COL15A1: variants seen among roughly 807,000 people sequenced by gnomAD.
The protein encoded by COL15A1 is collagen type XV alpha 1 chain, also known as collagen alpha-1(XV) chain.
COL15A1 carries 111 observed loss-of-function variants against 165.9 expected under a neutral mutation model. The observed-to-expected ratio is 0.67, with a 90% CI of 0.57 to 0.78. COL15A1 has a LOEUF of 0.78. Ranked by LOEUF, COL15A1 falls within the 30% of genes least tolerant of loss-of-function variation. The pLI is 0.00. For synonymous variants in COL15A1, 659 were observed against 674.8 expected, an observed-to-expected ratio of 0.98 and a Z score of 0.36; for missense variants, 1,745 against 1,789.7, an observed-to-expected ratio of 0.98 and a Z score of 0.45.
intron 5 of COL15A1, 25 bp from the exon 6 acceptor site, chr9:98,996,909 T>G: frequency 6.2e-7 from 1 of 1,609,506 alleles, no homozygotes; most frequent in Non-Finnish European, 8.5e-7. Flanking sequence ...TAAATCATTT[T>G]GCATCTCATT....
chr9:98,956,671 T>A (rs544852545), intron 2 of COL15A1, among the ~76,000 whole-genome samples: 1 of 152,284 alleles, frequency 6.6e-6, no homozygotes, highest in South Asian at 2.1e-4. Context: ...GAATCCATCC[T>A]CCACACTGCA....
intron 2 of COL15A1, among the ~76,000 whole-genome samples, chr9:98,967,953 G>C (rs532595726): frequency 5.9e-5 from 9 of 152,256 alleles, no homozygotes; most frequent in African/African-American, 2.2e-4. Flanking sequence ...AGTAGGTCTC[G>C]AGAATCTGCA....
intron 40 of COL15A1, among the ~76,000 whole-genome samples, chr9:99,067,709 T>A (rs1237944512): frequency 6.6e-6 from 1 of 152,206 alleles, no homozygotes; most frequent in Non-Finnish European, 1.5e-5. Flanking sequence ...ATTTAAAACC[T>A]TGAGGCTAGC....
At position 99,004,937 on chromosome 9, in the gene COL15A1, G is replaced by T; in HGVS notation, c.1240G>T (p.Gly414Trp). The T allele has an allele frequency of 6.2e-7, 1 of 1,614,146 alleles. No individual in the cohort carries two copies. Among genetic ancestry groups the T allele is most frequent in the South Asian group, 1.1e-5 (1 of 91,088 alleles). Residue 414 changes from glycine to tryptophan, a missense_variant, in exon 9 of 42, where the codon GGG (glycine) becomes TGG (tryptophan). Coordinates refer to ENST00000375001, the MANE Select transcript of COL15A1 (RefSeq NM_001855.5). ...AGAGCGTTTAGCAGCAACAGCAGCAGGGGAGGCCGAGGCACTCGCCAGCAT... is the reference window on the plus strand; with the variant it reads ...AGAGCGTTTAGCAGCAACAGCAGCATGGGAGGCCGAGGCACTCGCCAGCAT... ...NEERLAATAA[G>W]EAEALASMPG...
chr9:98,989,492 G>T (rs1196898337), intron 5 of COL15A1, among the ~76,000 whole-genome samples: 2 of 152,228 alleles, frequency 1.3e-5, no homozygotes, highest in Non-Finnish European at 2.9e-5. Context: ...CCATCAGAGG[G>T]CTGTCAAGGG....
rs541497246 is a variant in COL15A1, at chr9:98,957,565, A to G, written c.100+13315A>G. ...AAGTGCTGTCCTGGCCTCATCTCCC[A>G]GAATATCCCTTCCCACACCCTAATC... On this transcript the variant is annotated intron_variant, in intron 2 of 41. Coordinates refer to ENST00000375001, the MANE Select transcript of COL15A1 (RefSeq NM_001855.5). Among the ~76,000 whole-genome samples the G allele has an allele frequency of 2.0e-5, 3 of 152,320 alleles. No individual in the cohort carries two copies. The South Asian group carries it at 6.2e-4, about 32-fold the overall frequency.
At chr9:99,024,276 T>TTTTC (rs1839080158) in intron 14 of COL15A1, among the ~76,000 whole-genome samples, 1 of 141,364 alleles carries the variant, frequency 7.1e-6, no homozygotes. Flanking sequence ...CAGTTTTTTT[T>TTTTC]GTTTTTTTGT....
At chr9:98,967,679 T>C (rs1453442186) in intron 2 of COL15A1, among the ~76,000 whole-genome samples, 1 of 152,180 alleles carries the variant, frequency 6.6e-6, no homozygotes, top group Non-Finnish European at 1.5e-5. Context: ...GGTTGGTCCA[T>C]GGTGGAAGCA....
chr9:99,028,637 G>T (rs1194852166), intron 16 of COL15A1, among the ~76,000 whole-genome samples: 2 of 152,064 alleles, frequency 1.3e-5, no homozygotes, highest in Non-Finnish European at 2.9e-5. Context: ...GTGACAGGGT[G>T]AGACTCCGTC....
chr9:99,023,280 G>T, intron 13 of COL15A1, 77 bp from the exon 14 acceptor site: 2 of 1,492,602 alleles, frequency 1.3e-6, no homozygotes, highest in Non-Finnish European at 9.0e-7. Flanking sequence ...TCCCCATTTT[G>T]GAGAAAACTC....
chr9:99,013,817 G>T (rs1265064436), intron 9 of COL15A1, among the ~76,000 whole-genome samples: 1 of 152,144 alleles, frequency 6.6e-6, no homozygotes, highest in African/African-American at 2.4e-5. Context: ...CCTTTGTTCT[G>T]AATACTTTAA....
At chr9:99,009,335 A>G (rs191764796) in intron 9 of COL15A1, among the ~76,000 whole-genome samples, 308 of 152,400 alleles carry the variant, frequency 2.0e-3, no homozygotes, top group Non-Finnish European at 3.5e-3. Context: ...ATGCTAAAAC[A>G]TATCAGAATC....
At chr9:98,988,258 C>T (rs929383614) in intron 4 of COL15A1, among the ~76,000 whole-genome samples, 1 of 152,180 alleles carries the variant, frequency 6.6e-6, no homozygotes, top group African/African-American at 2.4e-5. Flanking sequence ...TGTGAGAATG[C>T]CTGTGTTCCA....
chr9:99,037,300 T>C (rs893529700), intron 21 of COL15A1, among the ~76,000 whole-genome samples: 1 of 152,248 alleles, frequency 6.6e-6, no homozygotes, highest in Non-Finnish European at 1.5e-5. Flanking sequence ...AGTGCTGGTT[T>C]AATCAGTGTT....
intron 2 of COL15A1, among the ~76,000 whole-genome samples, chr9:98,955,286 C>A (rs552514455): frequency 2.0e-5 from 3 of 152,312 alleles, no homozygotes; most frequent in African/African-American, 7.2e-5. Flanking sequence ...TAAATTAGGG[C>A]AATTCCTACT....
At chr9:99,012,823 T>C (rs551302026) in intron 9 of COL15A1, among the ~76,000 whole-genome samples, 1 of 148,036 alleles carries the variant, frequency 6.8e-6, no homozygotes, top group African/African-American at 2.5e-5. Context: ...GTGATTCTCC[T>C]GCCTCAGCGT....
Position 99,016,031 on chromosome 9 carries a change from C to T in COL15A1, c.1559C>T (p.Thr520Ile), listed in dbSNP as rs762855306. The change falls in exon 11 of 42, where the codon ACA becomes ATA. Residue 520 changes from threonine to isoleucine, a missense_variant. Transcript: ENST00000375001. ...AAATTEEPLITAGGEESGSPP... is the reference protein window; with the variant it reads ...AAATTEEPLIIAGGEESGSPP... Reference sequence around the variant, plus strand: ...GCCACAACAGAGGAGCCCCTCATCACAGCTGGGGGTGAAGAGTCCGGCAGC... The same window carrying T: ...GCCACAACAGAGGAGCCCCTCATCATAGCTGGGGGTGAAGAGTCCGGCAGC... 5 of 1,614,160 alleles carry T rather than the reference C, an allele frequency of 3.1e-6. No homozygotes were observed. The Admixed American group carries it at 6.7e-5, about 22-fold the overall frequency.
intron 2 of COL15A1, among the ~76,000 whole-genome samples, chr9:98,963,053 TC>T: frequency 6.6e-6 from 1 of 152,354 alleles, no homozygotes; most frequent in Admixed American, 6.5e-5. Context: ...AGCATGGAGA[TC>T]TTGGGTGGAA....
chr9:99,036,368 C>T lies in COL15A1; in HGVS notation c.2381C>T (p.Pro794Leu). The change falls in exon 21 of 42, where the codon CCA becomes CTA. Residue 794 changes from proline to leucine, a missense_variant. Coordinates refer to ENST00000375001, the MANE Select transcript of COL15A1 (RefSeq NM_001855.5). The part of the protein sequence containing the change: ...SIVGPPGPRG[P>L]PGHIKVLSNS... ...GTGGGACCCCCTGGGCCGAGAGGGC[C>T]ACCTGGGCACATCAAGGTCTTGTCT... 6.2e-7 allele frequency: 1 copy of T among 1,614,130 alleles called. No individual in the cohort carries two copies. Among genetic ancestry groups the T allele is most frequent in the South Asian group, 1.1e-5 (1 of 91,080 alleles).
Sources: allele counts gnomAD v4.1 joint callset (sites outside exome capture counted in the v4.1 genomes callset), GRCh38; gene constraint gnomAD v4.1.1; transcripts MANE v1.5; gene names NCBI Gene and HGNC (gene_info 2026-07-23, HGNC 2026-07-21).